FHIT: variants seen among roughly 807,000 people sequenced by gnomAD.
The protein encoded by FHIT is bis(5'-adenosyl)-triphosphatase.
A neutral mutation model predicts 17.9 loss-of-function variants in FHIT; 19 were observed. That is an observed-to-expected ratio of 1.06 (90% CI 0.74 to 1.56). The LOEUF is 1.56. Among genes scored for constraint, FHIT ranks in the 40% most tolerant of loss-of-function variants. FHIT has a pLI of 0.00. For synonymous variants in FHIT, 81 were observed against 69.7 expected, an observed-to-expected ratio of 1.16 and a Z score of -0.81; for missense variants, 248 against 189.2, an observed-to-expected ratio of 1.31 and a Z score of -1.82.
chr3:60,711,808 G>A (rs1323394034), intron 4 of FHIT, among the ~76,000 whole-genome samples: 1 of 152,228 alleles, frequency 6.6e-6, no homozygotes, highest in African/African-American at 2.4e-5. Context: ...TGGTGTACCT[G>A]AAGGTGACGG....
chr3:60,677,275 C>A (rs1381920058), intron 4 of FHIT, among the ~76,000 whole-genome samples: 4 of 152,124 alleles, frequency 2.6e-5, no homozygotes, highest in African/African-American at 9.7e-5. Flanking sequence ...TAATCAACAC[C>A]TAAATAGTGT....
intron 5 of FHIT, among the ~76,000 whole-genome samples, chr3:60,038,530 A>T (rs1187109209): frequency 6.6e-6 from 1 of 152,206 alleles, no homozygotes; most frequent in African/African-American, 2.4e-5. Flanking sequence ...ATACTGTCTC[A>T]ATATGCATGA....
At chr3:59,840,460 T>A (rs1306697978) in intron 8 of FHIT, among the ~76,000 whole-genome samples, 2 of 151,842 alleles carry the variant, frequency 1.3e-5, no homozygotes, top group African/African-American at 4.8e-5. Flanking sequence ...CATTTTTGAA[T>A]GTTGGCAATG....
At chr3:60,475,237 T>C (rs72880371) in intron 5 of FHIT, among the ~76,000 whole-genome samples, 7,583 of 151,902 alleles carry the variant, frequency 0.05, 440 homozygotes, top group African/African-American at 0.14. Context: ...TCTTGAGATG[T>C]CCATTGTACT....
intron 2 of FHIT, among the ~76,000 whole-genome samples, chr3:61,132,332 TC>T (rs1284114018): frequency 6.6e-6 from 1 of 152,234 alleles, no homozygotes; most frequent in Non-Finnish European, 1.5e-5. Flanking sequence ...CCATTTCTTG[TC>T]TCCCTTACCT....
intron 2 of FHIT, among the ~76,000 whole-genome samples, chr3:61,042,613 C>T (rs747358773): frequency 9.2e-5 from 14 of 152,040 alleles, no homozygotes; most frequent in East Asian, 3.9e-4. Context: ...CTGAGGTGGG[C>T]GGATCACTCG....
chr3:60,903,986 A>G (rs1553763908), intron 3 of FHIT, among the ~76,000 whole-genome samples: 1 of 152,224 alleles, frequency 6.6e-6, no homozygotes, highest in African/African-American at 2.4e-5. Context: ...CTTCCCTCCC[A>G]GGATCCAAGG....
chr3:60,552,958 T>C (rs896244174), intron 4 of FHIT, among the ~76,000 whole-genome samples: 1 of 152,202 alleles, frequency 6.6e-6, no homozygotes, highest in African/African-American at 2.4e-5. Flanking sequence ...TTAAGAGGCA[T>C]GTCTACATGG....
chr3:61,180,847 T>C (rs1041823544), intron 2 of FHIT, among the ~76,000 whole-genome samples: 5 of 152,216 alleles, frequency 3.3e-5, no homozygotes, highest in African/African-American at 9.6e-5. Context: ...GGGAACTGCT[T>C]AATGATTTGC....
chr3:60,625,972 C>A (rs1392823430), intron 4 of FHIT, among the ~76,000 whole-genome samples: 2 of 152,156 alleles, frequency 1.3e-5, no homozygotes, highest in Admixed American at 6.5e-5. Context: ...GACCTAGTTG[C>A]CCCAGAATCA....
intron 5 of FHIT, among the ~76,000 whole-genome samples, chr3:60,179,042 G>A (rs1172576212): frequency 6.6e-6 from 1 of 152,108 alleles, no homozygotes; most frequent in Non-Finnish European, 1.5e-5. Flanking sequence ...CATACAGTAG[G>A]TTTGTAAAAA....
intron 4 of FHIT, among the ~76,000 whole-genome samples, chr3:60,759,822 A>G (rs1329760061): frequency 6.6e-6 from 1 of 152,194 alleles, no homozygotes; most frequent in Non-Finnish European, 1.5e-5. Context: ...TGGAGAGAAC[A>G]TGTGCAGGCA....
chr3:59,844,789 G>T (rs897312398), intron 8 of FHIT, among the ~76,000 whole-genome samples: 1 of 152,096 alleles, frequency 6.6e-6, no homozygotes, highest in Non-Finnish European at 1.5e-5. Context: ...TTTTTGCAAT[G>T]TCTTTGTATC....
chr3:60,930,891 G>C (rs1473148028), intron 3 of FHIT, among the ~76,000 whole-genome samples: 2 of 152,170 alleles, frequency 1.3e-5, no homozygotes, highest in Non-Finnish European at 2.9e-5. Flanking sequence ...TATGAATCAT[G>C]CTGCTATAAA....
intron 4 of FHIT, among the ~76,000 whole-genome samples, chr3:60,653,540 T>G (rs1201504932): frequency 1.3e-5 from 2 of 151,948 alleles, no homozygotes; most frequent in Admixed American, 6.6e-5. Flanking sequence ...TCAAAGAGAT[T>G]GCATGGTAAA....
At chr3:60,650,059 C>T (rs949498224) in intron 4 of FHIT, among the ~76,000 whole-genome samples, 5 of 152,218 alleles carry the variant, frequency 3.3e-5, no homozygotes, top group African/African-American at 1.2e-4. Flanking sequence ...GGCCAGAAAA[C>T]TCAGTCTATA....
chr3:59,850,198 C>G (rs1701878627), intron 8 of FHIT, among the ~76,000 whole-genome samples: 1 of 152,140 alleles, frequency 6.6e-6, no homozygotes, highest in Admixed American at 6.6e-5. Context: ...AGTAAAGATG[C>G]TGGATTTAAA....
At chr3:60,452,920 C>A (rs2031842836) in intron 5 of FHIT, among the ~76,000 whole-genome samples, 1 of 152,114 alleles carries the variant, frequency 6.6e-6, no homozygotes, top group African/African-American at 2.4e-5. Context: ...CATATAAAGA[C>A]CTGACTCCAA....
intron 5 of FHIT, among the ~76,000 whole-genome samples, chr3:60,032,200 T>C (rs764996606): frequency 1.5e-4 from 23 of 152,172 alleles, no homozygotes; most frequent in Admixed American, 4.6e-4. Flanking sequence ...TCTCTATACT[T>C]AACTGTCCTT....
Sources: gnomAD v4.1 joint callset for allele counts (sites outside exome capture counted in the v4.1 genomes callset) on GRCh38, gnomAD v4.1.1 for gene constraint, MANE v1.5 for transcripts, NCBI Gene and HGNC (gene_info 2026-07-23, HGNC 2026-07-21) for gene names.